BRD8: variants seen among roughly 807,000 people sequenced by gnomAD.
BRD8 encodes the protein bromodomain-containing protein 8.
Under a neutral mutation model 143.1 loss-of-function variants are expected in BRD8, and 67 were observed. The observed-to-expected ratio is 0.47, with a 90% CI of 0.38 to 0.57. BRD8 has a LOEUF of 0.57. Ranked by LOEUF, BRD8 falls within the 20% of genes least tolerant of loss-of-function variation. The probability of loss-of-function intolerance (pLI) is 0.00; values close to 1 mark genes in which losing one functional copy is unlikely to be tolerated. For synonymous variants in BRD8, 505 were observed against 517.1 expected, an observed-to-expected ratio of 0.98 and a Z score of 0.32; for missense variants, 1,103 against 1,503.0, an observed-to-expected ratio of 0.73 and a Z score of 4.40.
chr5:138,166,617 G>T lies in BRD8; in HGVS notation c.898C>A (p.Pro300Thr), dbSNP rs1259746863. 1 of 1,613,476 alleles carries T rather than the reference G, an allele frequency of 6.2e-7. No homozygotes were observed. Among genetic ancestry groups the T allele is most frequent in the Non-Finnish European group, 8.5e-7 (1 of 1,179,530 alleles). ...SEPPVKLVPP[P>T]VESVSQATIV... ...GTAGCTTGGGACACAGACTCTACAG[G>T]GGGTGGCACAAGTTTAACTGGAGGC... The change falls in exon 10 of 27, where the codon CCT becomes ACT. Residue 300 changes from proline (P) to threonine (T), a missense_variant. Coordinates refer to ENST00000254900, the MANE Select transcript of BRD8 (RefSeq NM_139199.2).
At position 138,149,278 on chromosome 5, in the gene BRD8, AT is replaced by A. The variant is rs939301815; in HGVS notation, c.3278+361del. On this transcript the variant is annotated intron_variant, in intron 23 of 26. Coordinates refer to ENST00000254900, the MANE Select transcript of BRD8 (RefSeq NM_139199.2). ...AGACAAGTGACACCATACCTGGCTAATTTTTTTTTAATTTTTATTTTGTAGA... is the reference window on the plus strand; with the variant it reads ...AGACAAGTGACACCATACCTGGCTAATTTTTTTTAATTTTTATTTTGTAGA... Among the ~76,000 whole-genome samples, 8 of 150,492 alleles carry A rather than the reference AT, an allele frequency of 5.3e-5. No individual in the cohort carries two copies. In the South Asian group the frequency reaches 6.3e-4, roughly 12 times the overall value.
At chr5:138,168,707 C>T in intron 8 of BRD8, 1 of 1,282,124 alleles carries the variant, frequency 7.8e-7, no homozygotes, top group African/African-American at 1.5e-5. Flanking sequence ...CAACAGAGAA[C>T]CTTTATCTGA....
At chr5:138,154,942 G>A (rs1752520006) in intron 20 of BRD8, among the ~76,000 whole-genome samples, 1 of 149,618 alleles carries the variant, frequency 6.7e-6, no homozygotes. Context: ...CACTTCTCCT[G>A]CCTCAGCCTC....
chr5:138,140,537 T>G lies in BRD8; in HGVS notation c.3615+168A>C, dbSNP rs964925197. The G allele has an allele frequency of 8.0e-6, 6 of 746,508 alleles. No individual in the cohort carries two copies. The African/African-American group carries it at 8.7e-5, about 11-fold the overall frequency. The allele number at this position is 746,508 out of a possible 1,614,324, so 46.2% of individuals were successfully genotyped here. On this transcript the variant is annotated intron_variant, in intron 26 of 26. Coordinates refer to ENST00000254900, the MANE Select transcript of BRD8 (RefSeq NM_139199.2). ...ACTACTTCACTATCAGAGCTGGACT[T>G]ACTGAGGCTCAGGGTTTTCCAAACC... is the stretch of plus-strand genomic sequence containing the variant.
intron 26 of BRD8, 22 bp downstream of exon 26, chr5:138,140,683 T>C (rs1372719662): frequency 1.2e-6 from 2 of 1,609,170 alleles, no homozygotes; most frequent in Admixed American, 1.7e-5. Context: ...TTCCAGAGGC[T>C]ACAGGTATCT....
At chr5:138,142,481 T>C (rs62381760) in intron 25 of BRD8, among the ~76,000 whole-genome samples, 20,468 of 151,958 alleles carry the variant, frequency 0.13, 1,654 homozygotes, top group South Asian at 0.22. Flanking sequence ...AAACCCAAAA[T>C]AGGCCGAGCA....
intron 15 of BRD8, among the ~76,000 whole-genome samples, 173 bp downstream of exon 15, chr5:138,162,957 C>T (rs545240894): frequency 6.6e-6 from 1 of 151,330 alleles, no homozygotes; most frequent in East Asian, 1.9e-4. Context: ...GCTGAGATCG[C>T]ACCACTGCCC....
chr5:138,160,243 G>T, intron 18 of BRD8, 70 bp from the exon 19 acceptor site: 2 of 1,055,508 alleles, frequency 1.9e-6, no homozygotes, highest in Non-Finnish European at 3.0e-6. Flanking sequence ...TACACTTTAA[G>T]CACTGTAAAT....
In BRD8 at chr5:138,170,330, C is replaced by T. The variant is rs1239577241; in HGVS notation, c.505+15G>A. 2 of 1,563,168 alleles carry T rather than the reference C, an allele frequency of 1.3e-6. No homozygotes were observed. The highest frequency in any genetic ancestry group is 1.1e-5 in the South Asian group (1 of 90,038). On this transcript the variant is annotated intron_variant, in intron 7 of 26. Transcript: ENST00000254900. ...TGCAATCAATTGCTAAAGAGGCATA[C>T]TAGGTTCAGCTTACCCTGGTATGCA...
intron 2 of BRD8, among the ~76,000 whole-genome samples, chr5:138,175,371 T>C (rs1182836278): frequency 3.3e-5 from 5 of 151,850 alleles, no homozygotes; most frequent in African/African-American, 1.2e-4. Context: ...AAATTCATAA[T>C]GGATGATTCA....
chr5:138,165,465 C>A (rs980213972), intron 11 of BRD8, among the ~76,000 whole-genome samples: 12 of 152,160 alleles, frequency 7.9e-5, no homozygotes, highest in African/African-American at 2.9e-4. Flanking sequence ...GTGGCTCATG[C>A]CTGTAATCTC....
rs764246103 is a variant in BRD8, at chr5:138,164,750, T to C, written c.1695A>G (p.Lys565=). 30 of 1,614,120 alleles carry C rather than the reference T, an allele frequency of 1.9e-5. No homozygotes were observed. The highest frequency in any genetic ancestry group is 1.6e-4 in the Middle Eastern group (1 of 6,084). ...CATTTGTAAGTGGAGTCTCATCGCC[T>C]TTCCCAATGGCAACATCTGCTTCAA... ...EIVEADVAIG[K]GDETPLTNVK... The change falls in exon 12 of 27, where the codon AAA becomes AAG. Residue 565 remains lysine, a synonymous_variant. Transcript: ENST00000254900.
At chr5:138,146,969 CAAAAAAAAAAAAA>C (rs60597015) in intron 23 of BRD8, among the ~76,000 whole-genome samples, 5 of 49,050 alleles carry the variant, frequency 1.0e-4, no homozygotes, top group Non-Finnish European at 1.7e-4. Context: ...AACTCCGTCT[CAAAAAAAAAAAAA>C]AAAAAAAAAA....
At chr5:138,165,401 G>A (rs1753317021) in intron 11 of BRD8, among the ~76,000 whole-genome samples, 1 of 152,196 alleles carries the variant, frequency 6.6e-6, no homozygotes, top group South Asian at 2.1e-4. Context: ...ATGGGCAGAA[G>A]TAGGAGAGTT....
chr5:138,163,947 A>G (rs1753202738), intron 14 of BRD8, 140 bp downstream of exon 14: 3 of 979,506 alleles, frequency 3.1e-6, no homozygotes, highest in Non-Finnish European at 4.7e-6. Flanking sequence ...ATGCCTGTCT[A>G]CTGCAGCTTT....
intron 23 of BRD8, among the ~76,000 whole-genome samples, chr5:138,148,158 GGAAAAAAAAAAAAAAAAA>G (rs1228620995): frequency 3.4e-5 from 4 of 118,810 alleles, no homozygotes; most frequent in African/African-American, 1.2e-4. Context: ...CTGATGAGCT[GGAAAAAAAAAAAAAAAAA>G]GAAAAAAAAA....
intron 22 of BRD8, among the ~76,000 whole-genome samples, chr5:138,150,430 T>C (rs980039583): frequency 6.6e-6 from 1 of 152,178 alleles, no homozygotes; most frequent in Non-Finnish European, 1.5e-5. Context: ...TTAATAATGA[T>C]GACGGTATTC....
intron 20 of BRD8, chr5:138,157,086 G>A: frequency 6.4e-7 from 1 of 1,551,556 alleles, no homozygotes; most frequent in Non-Finnish European, 8.6e-7. Context: ...TCCAGCTCAT[G>A]TCGTGTGGCC....
chr5:138,178,235 A>G (rs1360000526), intron 1 of BRD8, among the ~76,000 whole-genome samples: 1 of 152,142 alleles, frequency 6.6e-6, no homozygotes, highest in Non-Finnish European at 1.5e-5. Context: ...CTGCCTCACA[A>G]ACGTCAGACA....
Sources: allele counts gnomAD v4.1 joint callset (sites outside exome capture counted in the v4.1 genomes callset), GRCh38; gene constraint gnomAD v4.1.1; transcripts MANE v1.5; gene names NCBI Gene and HGNC (gene_info 2026-07-23, HGNC 2026-07-21).